LDLRAD3: variants seen among roughly 807,000 people sequenced by gnomAD.
LDLRAD3 encodes the protein low density lipoprotein receptor class A domain containing 3, also known as low-density lipoprotein receptor class A domain-containing protein 3.
Under a neutral mutation model 29.4 loss-of-function variants are expected in LDLRAD3, and 20 were observed. The observed-to-expected ratio is 0.68, with a 90% CI of 0.48 to 0.99. The LOEUF (loss-of-function observed/expected upper bound fraction) is 0.99. LDLRAD3 is among the 50% of genes least tolerant of loss of function. The pLI is 0.00. For synonymous variants in LDLRAD3, 157 were observed against 192.7 expected (o/e 0.81, Z 1.53); for missense variants, 420 against 454.3 (o/e 0.92, Z 0.69).
chr11:35,988,144 A>G (rs916466227), intron 1 of LDLRAD3, among the ~76,000 whole-genome samples: 1 of 152,090 alleles, frequency 6.6e-6, no homozygotes, highest in Admixed American at 6.6e-5. Context: ...TGCAGTCTCA[A>G]TCTCGTCGGG....
intron 4 of LDLRAD3, among the ~76,000 whole-genome samples, chr11:36,152,493 A>G (rs1854291278): frequency 6.6e-6 from 1 of 151,970 alleles, no homozygotes; most frequent in Non-Finnish European, 1.5e-5. Context: ...CCCCTTTCCA[A>G]ACCTCTTTCA....
intron 1 of LDLRAD3, among the ~76,000 whole-genome samples, chr11:35,984,213 C>A (rs1851579718): frequency 1.3e-5 from 2 of 152,120 alleles, no homozygotes; most frequent in African/African-American, 2.4e-5. Flanking sequence ...GTGCAGCTGA[C>A]TTATTTGGCC....
chr11:36,082,438 G>A (rs546501737), intron 3 of LDLRAD3, among the ~76,000 whole-genome samples: 13 of 152,316 alleles, frequency 8.5e-5, no homozygotes, highest in Non-Finnish European at 1.6e-4. Context: ...AGCCTGGGAG[G>A]TCAAGGCTGC....
intron 3 of LDLRAD3, among the ~76,000 whole-genome samples, chr11:36,090,282 A>C (rs560247347): frequency 6.6e-5 from 10 of 152,294 alleles, no homozygotes; most frequent in Non-Finnish European, 1.5e-4. Context: ...GAGGAAGAAG[A>C]TCACATGATG....
intron 4 of LDLRAD3, among the ~76,000 whole-genome samples, chr11:36,188,173 T>C (rs1467598460): frequency 1.3e-5 from 2 of 151,906 alleles, no homozygotes; most frequent in Non-Finnish European, 1.5e-5. Context: ...CACGCAGAAT[T>C]CCATTAGTAT....
In LDLRAD3 at chr11:36,232,047, G is replaced by C. The variant is rs1403076820; in HGVS notation, c.*2650G>C. The C allele has an allele frequency of 6.6e-6, 1 of 152,186 alleles. No homozygotes were observed. The highest frequency in any genetic ancestry group is 1.5e-5 in the Non-Finnish European group (1 of 68,030). The allele number at this position is 152,186 out of a possible 1,614,324, so 9.4% of individuals were successfully genotyped here. ...GCTCAAAGTTAATGTAAACTGGAAA[G>C]GTTGTGTGTCGTTGCTTTTTGTGTT... On this transcript the variant is annotated 3_prime_UTR_variant, in exon 6 of 6. Transcript: ENST00000315571.
chr11:36,111,350 C>G (rs534590134), intron 4 of LDLRAD3, among the ~76,000 whole-genome samples: 364 of 152,166 alleles, frequency 2.4e-3, no homozygotes, highest in Non-Finnish European at 3.8e-3. Flanking sequence ...GATATCCTCC[C>G]CCTCCTGCTT....
chr11:36,145,414 C>T (rs1222881854), intron 4 of LDLRAD3, among the ~76,000 whole-genome samples: 6 of 107,890 alleles, frequency 5.6e-5, no homozygotes, highest in African/African-American at 2.1e-4. Context: ...GCCAGCCACC[C>T]CATCCGGGAG....
chr11:36,125,729 A>G (rs1853826945), intron 4 of LDLRAD3, among the ~76,000 whole-genome samples: 1 of 152,148 alleles, frequency 6.6e-6, no homozygotes, highest in African/African-American at 2.4e-5. Flanking sequence ...GATTTGGGAG[A>G]CCACTTTTTG....
intron 1 of LDLRAD3, among the ~76,000 whole-genome samples, chr11:36,024,801 C>G (rs1170618114): frequency 2.6e-5 from 4 of 152,230 alleles, no homozygotes; most frequent in Non-Finnish European, 4.4e-5. Flanking sequence ...TTCTGCAGCC[C>G]CATGTTGAGG....
At chr11:36,019,259 C>G (rs72940756) in intron 1 of LDLRAD3, among the ~76,000 whole-genome samples, 1,841 of 152,268 alleles carry the variant, frequency 0.012, 17 homozygotes, top group Middle Eastern at 0.031. Flanking sequence ...AGCTGAATCT[C>G]TTGCCCCGTG....
At position 35,946,873 on chromosome 11, in the gene LDLRAD3, G is replaced by A. The variant is rs145710096; in HGVS notation, c.46+2729G>A. Reference sequence around the variant, plus strand: ...TGCACATCTCAGCACAGCTCAGCTCGGGAAGATGAGGCCTAAAAGAGGCCT... The same window carrying A: ...TGCACATCTCAGCACAGCTCAGCTCAGGAAGATGAGGCCTAAAAGAGGCCT... On this transcript the variant is annotated intron_variant, in intron 1 of 5. Coordinates refer to ENST00000315571, the MANE Select transcript of LDLRAD3 (RefSeq NM_174902.4). Among the ~76,000 whole-genome samples the A allele has an allele frequency of 3.5e-3, 526 of 152,236 alleles. 13 individuals carry two copies. The South Asian group carries it at 0.043, about 12-fold the overall frequency.
chr11:36,021,058 A>G (rs1449328601), intron 1 of LDLRAD3, among the ~76,000 whole-genome samples: 2 of 152,206 alleles, frequency 1.3e-5, no homozygotes, highest in Non-Finnish European at 2.9e-5. Flanking sequence ...GAGATGGCGC[A>G]TGATGCAGGA....
intron 4 of LDLRAD3, among the ~76,000 whole-genome samples, chr11:36,202,601 C>A (rs1201246115): frequency 6.6e-6 from 1 of 152,196 alleles, no homozygotes; most frequent in East Asian, 1.9e-4. Context: ...CATTCACTAT[C>A]ATTTTTCTCC....
intron 1 of LDLRAD3, among the ~76,000 whole-genome samples, chr11:35,985,471 GCCTTTTAGTA>G (rs1851603286): frequency 6.6e-6 from 1 of 152,128 alleles, no homozygotes. Flanking sequence ...CTGCCCTGGA[GCCTTTTAGTA>G]CCTGGGCTCT....
chr11:36,125,677 T>C (rs781267282), intron 4 of LDLRAD3, among the ~76,000 whole-genome samples: 2 of 152,204 alleles, frequency 1.3e-5, no homozygotes, highest in Non-Finnish European at 2.9e-5. Context: ...TGATCTCCAC[T>C]ACTCGGCACC....
intron 4 of LDLRAD3, among the ~76,000 whole-genome samples, chr11:36,128,365 C>T (rs766694787): frequency 1.5e-4 from 23 of 152,066 alleles, no homozygotes; most frequent in Non-Finnish European, 2.5e-4. Context: ...CAGCCTTGTG[C>T]TGGATGCTTC....
In LDLRAD3 at chr11:36,213,048, C is replaced by T. The variant is rs976579718; in HGVS notation, c.455-14037C>T. Among the ~76,000 whole-genome samples the T allele has an allele frequency of 1.3e-5, 2 of 150,878 alleles. No homozygotes were observed. The highest frequency in any genetic ancestry group is 3.9e-4 in the East Asian group (2 of 5,144). On this transcript the variant is annotated intron_variant, in intron 4 of 5. Coordinates refer to ENST00000315571, the MANE Select transcript of LDLRAD3 (RefSeq NM_174902.4). The surrounding 1 kb of genome is among the most constrained non-coding windows in gnomAD (Gnocchi z 4.1). Reference sequence around the variant, plus strand: ...CTTCTCTCTCTGTCTCTCTCTCCCCCACCCCTCTCTTTCTCTCCCCCTCGC... The same window carrying T: ...CTTCTCTCTCTGTCTCTCTCTCCCCTACCCCTCTCTTTCTCTCCCCCTCGC...
chr11:36,010,328 ATTTAC>A (rs1166785808), intron 1 of LDLRAD3: 1 of 154,018 alleles, frequency 6.5e-6, no homozygotes, highest in Non-Finnish European at 1.5e-5. Flanking sequence ...AAATAGATTT[ATTTAC>A]TTTAAGTTTG....
Sources: gnomAD v4.1 joint callset for allele counts (sites outside exome capture counted in the v4.1 genomes callset) on GRCh38, gnomAD v4.1.1 for gene constraint, Gnocchi (gnomAD v3.1) non-coding constraint, MANE v1.5 for transcripts, NCBI Gene and HGNC (gene_info 2026-07-23, HGNC 2026-07-21) for gene names.